Variants in C9orf85 observed in about 807,000 individuals in gnomAD.
C9orf85 encodes chromosome 9 open reading frame 85.
Under a neutral mutation model 14.9 loss-of-function variants are expected in C9orf85, and 16 were observed. The ratio of observed to expected loss-of-function variants is 1.08; its 90% CI spans 0.73 to 1.63. C9orf85 has a LOEUF of 1.63. C9orf85 is among the 40% of genes most tolerant of loss of function. The pLI is 0.00. For missense variants in C9orf85, 172 were observed against 186.1 expected (o/e 0.92, Z 0.44); for synonymous variants, 45 against 56.8 (o/e 0.79, Z 0.93).
intron 1 of C9orf85, among the ~76,000 whole-genome samples, chr9:71,922,332 C>A (rs1827831978): frequency 6.6e-6 from 1 of 152,114 alleles, no homozygotes; most frequent in Non-Finnish European, 1.5e-5. Flanking sequence ...AATTTTCCAA[C>A]CTTTCAATGC....
chr9:71,948,607 C>T (rs188988610), intron 2 of C9orf85, among the ~76,000 whole-genome samples: 1,662 of 152,174 alleles, frequency 0.011, 20 homozygotes, highest in Non-Finnish European at 0.013. Context: ...CTGCAACCTC[C>T]GCCTCCCAGG....
chr9:71,971,346 G>C (rs1465140870), intron 2 of C9orf85, among the ~76,000 whole-genome samples, 159 bp from the exon 3 acceptor site: 3 of 152,112 alleles, frequency 2.0e-5, no homozygotes, highest in Non-Finnish European at 2.9e-5. Flanking sequence ...TTAGAAATGT[G>C]ATATAATTAA....
intron 2 of C9orf85, among the ~76,000 whole-genome samples, chr9:71,950,884 A>T (rs1223069884): frequency 6.6e-6 from 1 of 152,170 alleles, no homozygotes; most frequent in Non-Finnish European, 1.5e-5. Context: ...TATCCTGGAT[A>T]TTGGGAAAAT....
intron 2 of C9orf85, among the ~76,000 whole-genome samples, chr9:71,957,684 G>T (rs541845105): frequency 3.4e-4 from 52 of 152,276 alleles, no homozygotes; most frequent in African/African-American, 1.3e-3. Context: ...ACAATTAAAA[G>T]ATAGTAAATA....
At chr9:71,911,928 G>T in intron 1 of C9orf85, 92 bp downstream of exon 1, 1 of 1,121,950 alleles carries the variant, frequency 8.9e-7, no homozygotes, top group Non-Finnish European at 1.4e-6. Context: ...CGGCTGGGGC[G>T]AGTGTGGACC....
intron 1 of C9orf85, among the ~76,000 whole-genome samples, chr9:71,930,368 A>G (rs1589250704): frequency 6.6e-6 from 1 of 152,256 alleles, no homozygotes; most frequent in Non-Finnish European, 1.5e-5. Flanking sequence ...TTTCATGTGG[A>G]TATTCTCTGT....
At chr9:71,962,620 C>G (rs542238491) in intron 2 of C9orf85, among the ~76,000 whole-genome samples, 162 of 152,332 alleles carry the variant, frequency 1.1e-3, no homozygotes, top group African/African-American at 3.8e-3. Flanking sequence ...GAGTTGTAAT[C>G]ACGTAAAGTC....
At chr9:71,981,827 T>C (rs1426525757) in intron 3 of C9orf85, among the ~76,000 whole-genome samples, 2 of 152,254 alleles carry the variant, frequency 1.3e-5, no homozygotes, top group African/African-American at 2.4e-5. Context: ...TTCATTGTGC[T>C]GTAAAGTCAG....
intron 1 of C9orf85, among the ~76,000 whole-genome samples, chr9:71,932,746 T>C (rs1361319438): frequency 6.6e-6 from 1 of 152,110 alleles, no homozygotes; most frequent in African/African-American, 2.4e-5. Context: ...AAGGAAAATA[T>C]GGCTCATTCA....
chr9:71,927,163 C>T (rs1827949778), intron 1 of C9orf85, among the ~76,000 whole-genome samples: 1 of 145,910 alleles, frequency 6.9e-6, no homozygotes, highest in African/African-American at 2.6e-5. Flanking sequence ...GTAAGGTCTA[C>T]AAAATACTGT....
intron 2 of C9orf85, among the ~76,000 whole-genome samples, chr9:71,963,406 G>T (rs974017763): frequency 6.6e-6 from 1 of 152,132 alleles, no homozygotes; most frequent in Non-Finnish European, 1.5e-5. Flanking sequence ...GCTCGCTCTC[G>T]GTGCCTCCTC....
At position 71,947,878 on chromosome 9, in the gene C9orf85, T is replaced by A. The variant is rs144442371; in HGVS notation, c.209+766T>A. ...CCAGGCTGGCCTCAAACTCCTGACC[T>A]CAGGTGATCTGCCCGCCTAGGCCTC... On this transcript the variant is annotated intron_variant, in intron 2 of 3. Coordinates refer to ENST00000334731, the MANE Select transcript of C9orf85 (RefSeq NM_182505.5). 3.3e-4 allele frequency among the ~76,000 whole-genome samples: 51 copies of A among 152,338 alleles called. No homozygotes were observed. In the East Asian group the frequency reaches 9.5e-3, roughly 28 times the overall value.
chr9:71,934,230 G>A (rs994416980), intron 1 of C9orf85, among the ~76,000 whole-genome samples: 3 of 152,116 alleles, frequency 2.0e-5, no homozygotes, highest in Admixed American at 2.0e-4. Context: ...TGTAATCCCA[G>A]CTACTTGGGA....
intron 1 of C9orf85, among the ~76,000 whole-genome samples, chr9:71,923,347 C>T (rs907212042): frequency 6.6e-6 from 1 of 152,162 alleles, no homozygotes; most frequent in African/African-American, 2.4e-5. Context: ...AAGCTCACTG[C>T]AACTTCCGCC....
At chr9:71,977,343 T>G (rs1823023272), downstream of C9orf85, among the ~76,000 whole-genome samples, 1 of 152,228 alleles carries the variant, frequency 6.6e-6, no homozygotes, top group Admixed American at 6.5e-5. Context: ...TTTATAACCC[T>G]ATTTTATAGC....
At chr9:71,925,561 C>A (rs1339306118) in intron 1 of C9orf85, among the ~76,000 whole-genome samples, 1 of 152,170 alleles carries the variant, frequency 6.6e-6, no homozygotes, top group Non-Finnish European at 1.5e-5. Context: ...GGTCCCTTCT[C>A]TGAAGCTGGA....
At chr9:71,969,052 G>A (rs1427385806) in intron 2 of C9orf85, among the ~76,000 whole-genome samples, 4 of 152,192 alleles carry the variant, frequency 2.6e-5, no homozygotes, top group Non-Finnish European at 5.9e-5. Flanking sequence ...AGAACTGGCG[G>A]GAAGGTTGTT....
intron 2 of C9orf85, among the ~76,000 whole-genome samples, chr9:71,964,761 T>C (rs1822642167): frequency 6.6e-6 from 1 of 152,162 alleles, no homozygotes; most frequent in Non-Finnish European, 1.5e-5. Flanking sequence ...TTCTCTGACC[T>C]GGGGTGCTTG....
rs10708553 is a variant in C9orf85, at chr9:71,942,902, CAA to C, written c.103-4089_103-4088del. ...TGGGCAACAGAGTGAGACTCCGACTCAAAAAAAAAAAAAAAAGGAAGCAGCAG... is the reference window on the plus strand; with the variant it reads ...TGGGCAACAGAGTGAGACTCCGACTCAAAAAAAAAAAAAAGGAAGCAGCAG... On this transcript the variant is annotated intron_variant, in intron 1 of 3. Transcript: ENST00000334731. Among the ~76,000 whole-genome samples the C allele has an allele frequency of 2.4e-3, 294 of 122,878 alleles. 1 individual carries two copies. The highest frequency in any genetic ancestry group is 4.1e-3 in the Middle Eastern group (1 of 246). 80.6% of individuals were successfully genotyped at this position (122,878 alleles called of 152,430 possible).
Sources: allele counts gnomAD v4.1 joint callset (sites outside exome capture counted in the v4.1 genomes callset), GRCh38; gene constraint gnomAD v4.1.1; transcripts MANE v1.5; gene names NCBI Gene and HGNC (gene_info 2026-07-23, HGNC 2026-07-21).